Variants in SOX5 observed in about 807,000 individuals in gnomAD.
SOX5 encodes SRY-box transcription factor 5.
Under a neutral mutation model 92.0 loss-of-function variants are expected in SOX5, and 9 were observed. That is an observed-to-expected ratio of 0.10 (90% CI 0.06 to 0.17). SOX5 has a LOEUF of 0.17. Among genes scored for constraint, SOX5 ranks in the 10% least tolerant of loss-of-function variants. The pLI, the probability that SOX5 is intolerant of heterozygous loss-of-function variation, is 1.00. For synonymous variants in SOX5, 344 were observed against 336.3 expected (o/e 1.02, Z -0.25); for missense variants, 642 against 944.5 (o/e 0.68, Z 4.20).
At chr12:23,697,531 T>G (rs1485443819) in intron 6 of SOX5, among the ~76,000 whole-genome samples, 1 of 152,172 alleles carries the variant, frequency 6.6e-6, no homozygotes, top group Non-Finnish European at 1.5e-5. Flanking sequence ...TTTGTTTAGA[T>G]AATTTACATT....
intron 4 of SOX5, among the ~76,000 whole-genome samples, chr12:24,200,427 T>G (rs1280137834): frequency 6.6e-6 from 1 of 152,172 alleles, no homozygotes; most frequent in Non-Finnish European, 1.5e-5. Context: ...CAAATATACA[T>G]ATACTTACTA....
At chr12:24,419,987 C>T (rs999290406) in intron 1 of SOX5, among the ~76,000 whole-genome samples, 1 of 152,172 alleles carries the variant, frequency 6.6e-6, no homozygotes, top group Non-Finnish European at 1.5e-5. Context: ...CAAAGAAATG[C>T]TAAGATCAGA....
chr12:24,553,063 G>A (rs1203793249), intron 1 of SOX5, among the ~76,000 whole-genome samples: 1 of 152,096 alleles, frequency 6.6e-6, no homozygotes, highest in Non-Finnish European at 1.5e-5. Flanking sequence ...AAACAAGAAA[G>A]AGATCACTTT....
chr12:24,027,973 A>G (rs191327169), intron 4 of SOX5, among the ~76,000 whole-genome samples: 68 of 152,072 alleles, frequency 4.5e-4, no homozygotes, highest in Admixed American at 1.3e-4. Context: ...TGCGTTGATC[A>G]TTGTGCTCCC....
intron 1 of SOX5, among the ~76,000 whole-genome samples, chr12:24,401,573 G>A (rs1464478731): frequency 6.6e-6 from 1 of 151,528 alleles, no homozygotes; most frequent in Non-Finnish European, 1.5e-5. Context: ...AACCTTGCAT[G>A]GTGGCATATG....
chr12:24,128,191 C>T (rs886689171), intron 4 of SOX5, among the ~76,000 whole-genome samples: 7 of 152,024 alleles, frequency 4.6e-5, no homozygotes, highest in Non-Finnish European at 8.8e-5. Context: ...TTATCATACA[C>T]AAGGATATTT....
intron 4 of SOX5, among the ~76,000 whole-genome samples, chr12:24,118,608 T>C (rs917937675): frequency 3.3e-5 from 5 of 152,096 alleles, no homozygotes; most frequent in Non-Finnish European, 7.4e-5. Flanking sequence ...TCTCTATTCA[T>C]CAGTAATTGT....
At chr12:23,982,095 G>T (rs1949625496) in intron 4 of SOX5, among the ~76,000 whole-genome samples, 1 of 152,180 alleles carries the variant, frequency 6.6e-6, no homozygotes, top group African/African-American at 2.4e-5. Context: ...TCCTTGAGAA[G>T]GAATTGGGCA....
chr12:24,251,168 A>G (rs1214190583), intron 3 of SOX5, among the ~76,000 whole-genome samples: 2 of 152,228 alleles, frequency 1.3e-5, no homozygotes, highest in Non-Finnish European at 2.9e-5. Flanking sequence ...CTGTACTTCT[A>G]CATAAATACA....
chr12:24,354,362 T>C lies in SOX5; in HGVS notation c.-174+14201A>G, dbSNP rs372222634. On this transcript the variant is annotated intron_variant, in intron 2 of 4. Transcript: ENST00000446891. ...AGAAACTGAAGGAGGCCAGTGGGTC[T>C]GCTCTGCAGAAGGTGGGGGAGAAGG... Among the ~76,000 whole-genome samples the C allele has an allele frequency of 1.7e-4, 26 of 152,372 alleles. 1 individual carries two copies. Among genetic ancestry groups the C allele is most frequent in the African/African-American group, 5.8e-4 (24 of 41,590 alleles).
chr12:23,608,108 G>GAA (rs1566278538), intron 8 of SOX5, among the ~76,000 whole-genome samples: 147 of 5,676 alleles, frequency 0.026, 8 homozygotes, highest in African/African-American at 0.036. Flanking sequence ...TGTCTCAAAA[G>GAA]AAAAAAGAAA....
chr12:23,823,501 C>A (rs774226879), intron 3 of SOX5, among the ~76,000 whole-genome samples: 2 of 152,204 alleles, frequency 1.3e-5, no homozygotes, highest in Non-Finnish European at 2.9e-5. Flanking sequence ...GTCTGATGGG[C>A]TTCCCTTTGT....
At chr12:23,761,816 G>C (rs1364226231) in intron 3 of SOX5, among the ~76,000 whole-genome samples, 1 of 152,050 alleles carries the variant, frequency 6.6e-6, no homozygotes, top group African/African-American at 2.4e-5. Context: ...TCGATAATCT[G>C]TTTAAATTAG....
intron 1 of SOX5, among the ~76,000 whole-genome samples, chr12:23,898,793 C>T (rs2097202583): frequency 6.6e-6 from 1 of 152,186 alleles, no homozygotes; most frequent in Non-Finnish European, 1.5e-5. Context: ...ATTCCATTTT[C>T]AGAGTGTTAT....
At chr12:23,782,886 G>A in intron 3 of SOX5, among the ~76,000 whole-genome samples, 1 of 152,064 alleles carries the variant, frequency 6.6e-6, no homozygotes, top group Non-Finnish European at 1.5e-5. Flanking sequence ...GTGTGTGTGT[G>A]CGGTGGTAAA....
At chr12:24,334,256 C>G (rs1951654002) in intron 2 of SOX5, among the ~76,000 whole-genome samples, 1 of 151,698 alleles carries the variant, frequency 6.6e-6, no homozygotes, top group African/African-American at 2.4e-5. Flanking sequence ...TTAGTGTAAA[C>G]CTAAACATTT....
At chr12:23,872,952 T>C (rs1024234783) in intron 2 of SOX5, among the ~76,000 whole-genome samples, 4 of 152,160 alleles carry the variant, frequency 2.6e-5, no homozygotes, top group Middle Eastern at 3.2e-3. Context: ...GGAAATAAAA[T>C]GTTTTTCTCT....
chr12:24,185,152 C>T (rs1465093264), intron 4 of SOX5, among the ~76,000 whole-genome samples: 1 of 152,078 alleles, frequency 6.6e-6, no homozygotes, highest in Non-Finnish European at 1.5e-5. Context: ...TCTATCTATA[C>T]CCTTACACAG....
At chr12:24,487,031 T>C (rs150713700) in intron 1 of SOX5, among the ~76,000 whole-genome samples, 2,653 of 152,280 alleles carry the variant, frequency 0.017, 27 homozygotes, top group Middle Eastern at 0.034. Context: ...GAGTGAGTTA[T>C]ATATTATGGT....
Sources: allele counts gnomAD v4.1 joint callset (sites outside exome capture counted in the v4.1 genomes callset), GRCh38; gene constraint gnomAD v4.1.1; transcripts MANE v1.5; gene names NCBI Gene and HGNC (gene_info 2026-07-23, HGNC 2026-07-21).